PCDH9: variants seen among roughly 807,000 people sequenced by gnomAD.
PCDH9 encodes protocadherin-9.
In PCDH9, 24 loss-of-function variants were observed where a neutral mutation model predicts 70.6. That is an observed-to-expected ratio of 0.34 (90% CI 0.25 to 0.48). PCDH9 has a LOEUF of 0.48. PCDH9 is among the 20% of genes least tolerant of loss of function. PCDH9 has a pLI of 0.99. For synonymous variants in PCDH9, 562 were observed against 558.5 expected, an observed-to-expected ratio of 1.01 and a Z score of -0.09; for missense variants, 1,281 against 1,503.6, an observed-to-expected ratio of 0.85 and a Z score of 2.45.
intron 3 of PCDH9, among the ~76,000 whole-genome samples, chr13:66,657,849 A>G (rs1210865880): frequency 1.3e-5 from 2 of 152,190 alleles, no homozygotes; most frequent in Non-Finnish European, 2.9e-5. Context: ...GAGCCTGCAC[A>G]TCAAAGAAAT....
intron 3 of PCDH9, among the ~76,000 whole-genome samples, chr13:66,849,517 T>TATATAGAGAGAGAGAGAGAG (rs1272589939): frequency 6.3e-5 from 4 of 63,576 alleles, no homozygotes; most frequent in African/African-American, 1.7e-4. Flanking sequence ...TATATATATA[T>TATATAGAGAGAGAGAGAGAG]AGAGAGAGAG....
In PCDH9 at chr13:66,564,127, A is replaced by G. The variant is rs139800517; in HGVS notation, c.3340+67083T>C. Among the ~76,000 whole-genome samples the G allele has an allele frequency of 6.7e-3, 1,021 of 152,282 alleles. 48 individuals are homozygous for G. The highest frequency in any genetic ancestry group is 0.06 in the Admixed American group (921 of 15,294). ...AATAAAAGCTGGCAGTCTAAAAGCA[A>G]CAAGGACATTGACCACTTGTTTCAA... On this transcript the variant is annotated intron_variant, in intron 4 of 4. Coordinates refer to ENST00000377865, the MANE Select transcript of PCDH9 (RefSeq NM_203487.3).
intron 3 of PCDH9, among the ~76,000 whole-genome samples, chr13:66,658,620 A>G (rs1009177177): frequency 6.6e-6 from 1 of 152,146 alleles, no homozygotes; most frequent in Non-Finnish European, 1.5e-5. Flanking sequence ...GTTTATTCAC[A>G]ATGTTTTCTT....
At chr13:66,862,149 G>A (rs1488895706) in intron 3 of PCDH9, among the ~76,000 whole-genome samples, 2 of 152,156 alleles carry the variant, frequency 1.3e-5, no homozygotes, top group Non-Finnish European at 2.9e-5. Flanking sequence ...TAGCTTTGTA[G>A]TCATTTAAAT....
At chr13:66,380,592 G>C (rs1286787261) in intron 4 of PCDH9, among the ~76,000 whole-genome samples, 2 of 140,320 alleles carry the variant, frequency 1.4e-5, no homozygotes, top group Admixed American at 1.5e-4. Context: ...TGCCCAGGCT[G>C]GAGTGCAGTG....
chr13:66,321,032 A>G (rs959573238), intron 4 of PCDH9, among the ~76,000 whole-genome samples: 1 of 151,938 alleles, frequency 6.6e-6, no homozygotes, highest in Non-Finnish European at 1.5e-5. Flanking sequence ...TCTCCTTTCA[A>G]TTGGATATGC....
intron 4 of PCDH9, among the ~76,000 whole-genome samples, chr13:66,432,928 A>C (rs747633995): frequency 3.9e-5 from 6 of 152,028 alleles, no homozygotes; most frequent in Non-Finnish European, 8.8e-5. Flanking sequence ...TGTGCATACC[A>C]GAAAAATATG....
Position 67,166,280 on chromosome 13 carries a change from TGAAG to T in PCDH9, c.3036+59121_3036+59124del, listed in dbSNP as rs574666725. ...TTCAATTAGATATGGATAAGTGACA[TGAAG>T]GAAGTCTTTGCTGTTTTCTCAACCT... On this transcript the variant is annotated intron_variant, in intron 2 of 4. Coordinates refer to ENST00000377865, the MANE Select transcript of PCDH9 (RefSeq NM_203487.3). 2.9e-3 allele frequency among the ~76,000 whole-genome samples: 449 copies of T among 152,334 alleles called. 5 individuals carry two copies. The highest frequency in any genetic ancestry group is 6.8e-3 in the Middle Eastern group (2 of 294).
intron 4 of PCDH9, among the ~76,000 whole-genome samples, chr13:66,403,115 G>A (rs1370676549): frequency 6.6e-6 from 1 of 151,188 alleles, no homozygotes; most frequent in Non-Finnish European, 1.5e-5. Flanking sequence ...GGCTCCTAAA[G>A]CCATTTACAG....
At chr13:66,749,468 A>G (rs1425360491) in intron 3 of PCDH9, among the ~76,000 whole-genome samples, 2 of 152,102 alleles carry the variant, frequency 1.3e-5, no homozygotes. Context: ...TCTATGACCT[A>G]AGCACTACAA....
chr13:66,878,317 C>G (rs2081856376), intron 3 of PCDH9, among the ~76,000 whole-genome samples: 3 of 151,904 alleles, frequency 2.0e-5, no homozygotes, highest in Admixed American at 2.0e-4. Flanking sequence ...ACCTCTGCCT[C>G]CCTGGTTCCA....
intron 2 of PCDH9, among the ~76,000 whole-genome samples, chr13:66,963,405 G>A (rs2083381001): frequency 6.6e-6 from 1 of 152,160 alleles, no homozygotes; most frequent in South Asian, 2.1e-4. Context: ...TGGCTCTTAA[G>A]TACAATCTCA....
chr13:66,689,796 G>A (rs1490049891), intron 3 of PCDH9, among the ~76,000 whole-genome samples: 5 of 152,062 alleles, frequency 3.3e-5, no homozygotes, highest in African/African-American at 9.7e-5. Flanking sequence ...CAAGATTCAC[G>A]AGCTGTCCCT....
chr13:67,226,763 C>T lies in PCDH9; in HGVS notation c.1678G>A (p.Val560Ile). The T allele has an allele frequency of 6.2e-7, 1 of 1,614,152 alleles. No homozygotes were observed. Among genetic ancestry groups the T allele is most frequent in the South Asian group, 1.1e-5 (1 of 91,084 alleles). ...PPLQSQAAVI[V>I]TVLDENDNSP... The stretch of plus-strand genomic sequence containing the variant: ...TTGTCATTCTCATCCAGAACAGTAA[C>T]AATCACAGCCGCTTGGCTTTGGAGG... Residue 560 changes from valine (V) to isoleucine (I), a missense_variant, in exon 2 of 5, where the codon GTT becomes ATT. Around this residue, in one of 4 missense-constraint regions of PCDH9, gnomAD observed 798 missense variants for 1,003.1 expected, o/e 0.80. Transcript: ENST00000377865. The surrounding 1 kb of genome is among the most constrained non-coding windows in gnomAD (Gnocchi z 5.0).
intron 3 of PCDH9, among the ~76,000 whole-genome samples, chr13:66,647,172 A>G (rs1482497390): frequency 6.6e-6 from 1 of 152,180 alleles, no homozygotes; most frequent in Admixed American, 6.5e-5. Flanking sequence ...CTTGAAGCCC[A>G]GTGGACTTGG....
At position 67,154,593 on chromosome 13, in the gene PCDH9, A is replaced by AT. The variant is rs1278309789; in HGVS notation, c.3036+70811_3036+70812insA. Among the ~76,000 whole-genome samples the AT allele has an allele frequency of 4.3e-3, 373 of 85,792 alleles. 11 individuals are homozygous for AT. Among genetic ancestry groups the AT allele is most frequent in the African/African-American group, 8.5e-3 (186 of 21,886 alleles). 56.3% of individuals were successfully genotyped at this position (85,792 alleles called of 152,430 possible). A position where few individuals can be genotyped will look rare whatever the true frequency, so the allele number is the denominator to read the frequency against. ...CCTGTCTCAAAAAAAAAAAAAAAAA[A>AT]AAATATATATATACACACACACACA... On this transcript the variant is annotated intron_variant, in intron 2 of 4. Coordinates refer to ENST00000377865, the MANE Select transcript of PCDH9 (RefSeq NM_203487.3).
chr13:66,815,540 G>C (rs1219330875), intron 3 of PCDH9, among the ~76,000 whole-genome samples: 1 of 152,104 alleles, frequency 6.6e-6, no homozygotes, highest in Non-Finnish European at 1.5e-5. Flanking sequence ...ATCAAGAGTA[G>C]ACTGAGTAAA....
chr13:66,678,370 G>C (rs1355852381), intron 3 of PCDH9, among the ~76,000 whole-genome samples: 1 of 152,024 alleles, frequency 6.6e-6, no homozygotes, highest in Non-Finnish European at 1.5e-5. Flanking sequence ...ACATATAGAA[G>C]TATAGATGTT....
intron 2 of PCDH9, among the ~76,000 whole-genome samples, chr13:67,054,210 CACTA>C (rs1159008675): frequency 1.4e-4 from 21 of 152,302 alleles, no homozygotes; most frequent in African/African-American, 4.8e-4. Context: ...ACACTGAGGA[CACTA>C]ACTTAGTTAA....
Sources: allele counts gnomAD v4.1 joint callset (sites outside exome capture counted in the v4.1 genomes callset), GRCh38; gene constraint gnomAD v4.1.1; regional missense constraint gnomAD v4.1.1; non-coding constraint Gnocchi (gnomAD v3.1); transcripts MANE v1.5; gene names NCBI Gene and HGNC (gene_info 2026-07-23, HGNC 2026-07-21).